The following MRPL1 variants were observed in gnomAD, a reference collection of about 807,000 sequenced individuals.
The protein encoded by MRPL1 is mitochondrial ribosomal protein L1.
A neutral mutation model predicts 38.0 loss-of-function variants in MRPL1; 28 were observed. The observed-to-expected ratio is 0.74, with a 90% CI of 0.55 to 1.01. The LOEUF is 1.01. MRPL1 is among the 50% of genes least tolerant of loss of function. MRPL1 has a pLI of 0.00. For missense variants in MRPL1, 358 were observed against 389.8 expected, an observed-to-expected ratio of 0.92 and a Z score of 0.69; for synonymous variants, 123 against 126.7, an observed-to-expected ratio of 0.97 and a Z score of 0.20.
chr4:77,882,290 ACT>A (rs1390761854), intron 2 of MRPL1, among the ~76,000 whole-genome samples: 4 of 152,096 alleles, frequency 2.6e-5, no homozygotes, highest in Non-Finnish European at 4.4e-5. Context: ...TACCTGGCTA[ACT>A]CTATTATTTT....
chr4:77,899,087 G>C (rs1735980500), intron 6 of MRPL1, among the ~76,000 whole-genome samples: 1 of 148,932 alleles, frequency 6.7e-6, no homozygotes, highest in Non-Finnish European at 1.5e-5. Context: ...TCTGCCTCCT[G>C]GGTTCAGGTG....
At chr4:77,926,078 G>T (rs879446694) in intron 7 of MRPL1, among the ~76,000 whole-genome samples, 1 of 152,184 alleles carries the variant, frequency 6.6e-6, no homozygotes, top group Non-Finnish European at 1.5e-5. Flanking sequence ...ATCTTTAAAA[G>T]ACTTAAAATG....
intron 6 of MRPL1, among the ~76,000 whole-genome samples, chr4:77,898,816 T>G (rs948902812): frequency 1.3e-5 from 2 of 150,610 alleles, no homozygotes; most frequent in East Asian, 2.0e-4. Context: ...AATTTATAGT[T>G]TTTTTTTTAT....
chr4:77,885,616 C>T (rs752959571), intron 4 of MRPL1, among the ~76,000 whole-genome samples: 12 of 152,260 alleles, frequency 7.9e-5, no homozygotes, highest in Admixed American at 6.5e-5. Flanking sequence ...CCGCCCGCCT[C>T]GGCCTCCCAA....
At chr4:77,887,358 T>C (rs1002790440) in intron 5 of MRPL1, 67 bp downstream of exon 5, 9 of 1,247,826 alleles carry the variant, frequency 7.2e-6, no homozygotes, top group African/African-American at 5.9e-5. Flanking sequence ...TTCATTGATC[T>C]GTTATATGTG....
chr4:77,920,570 C>T (rs963330221), intron 7 of MRPL1, among the ~76,000 whole-genome samples: 5 of 152,162 alleles, frequency 3.3e-5, no homozygotes, highest in Admixed American at 1.3e-4. Flanking sequence ...AGCAGAGAGA[C>T]TATAGGAACC....
At chr4:77,923,130 C>T (rs533784858) in intron 7 of MRPL1, among the ~76,000 whole-genome samples, 5 of 152,248 alleles carry the variant, frequency 3.3e-5, no homozygotes, top group Admixed American at 1.3e-4. Flanking sequence ...GAGTCTCGCT[C>T]TGTCTCCCAG....
At chr4:77,916,181 T>G (rs1019803874) in intron 7 of MRPL1, among the ~76,000 whole-genome samples, 1 of 152,198 alleles carries the variant, frequency 6.6e-6, no homozygotes, top group African/African-American at 2.4e-5. Flanking sequence ...AGATAGTAAT[T>G]AAATAATTTT....
chr4:77,907,143 A>C, intron 6 of MRPL1: 5 of 984,558 alleles, frequency 5.1e-6, no homozygotes, highest in Non-Finnish European at 6.0e-6. Context: ...TCAGTGGCAC[A>C]GTCTTCATTC....
At chr4:77,891,412 G>C (rs1331700022) in intron 5 of MRPL1, among the ~76,000 whole-genome samples, 1 of 150,418 alleles carries the variant, frequency 6.6e-6, no homozygotes, top group East Asian at 2.0e-4. Context: ...CTGGAGTGCA[G>C]TGACGTGATC....
intron 1 of MRPL1, 114 bp from the exon 2 acceptor site, chr4:77,871,630 A>T: frequency 1.8e-6 from 1 of 565,480 alleles, no homozygotes; most frequent in Non-Finnish European, 3.0e-6. Context: ...AAGAAGGATT[A>T]AAAATCACAA....
chr4:77,944,740 T>C (rs1303561794), intron 7 of MRPL1, among the ~76,000 whole-genome samples: 1 of 152,214 alleles, frequency 6.6e-6, no homozygotes, highest in African/African-American at 2.4e-5. Flanking sequence ...TAAATGTATA[T>C]TCTTTTAGTG....
chr4:77,943,402 G>A (rs905831358), intron 7 of MRPL1, among the ~76,000 whole-genome samples: 3 of 151,878 alleles, frequency 2.0e-5, no homozygotes, highest in African/African-American at 7.2e-5. Flanking sequence ...TCTTTGAGCT[G>A]CTATGTATTT....
chr4:77,884,539 C>T lies in MRPL1; in HGVS notation c.403-717C>T, dbSNP rs577978287. On this transcript the variant is annotated intron_variant, in intron 3 of 8. Transcript: ENST00000315567. The stretch of plus-strand genomic sequence containing the variant: ...CCTGTAAAATCTCCACCTGTATTAG[C>T]GTGCCTCAAATGCATGCCATTGTTT... Among the ~76,000 whole-genome samples, 23 of 152,286 alleles carry T rather than the reference C, an allele frequency of 1.5e-4. No homozygotes were observed. In the South Asian group the frequency reaches 1.9e-3, roughly 12 times the overall value.
chr4:77,867,274 C>T (rs1426095643), intron 1 of MRPL1, among the ~76,000 whole-genome samples: 2 of 152,162 alleles, frequency 1.3e-5, no homozygotes, highest in Admixed American at 6.5e-5. Context: ...GTTTCATTGG[C>T]GTATTTGTTG....
intron 1 of MRPL1, among the ~76,000 whole-genome samples, chr4:77,868,329 A>T (rs58358199): frequency 0.22 from 33,653 of 151,230 alleles, 4,648 homozygotes; most frequent in African/African-American, 0.39. Flanking sequence ...GCAACCTCTG[A>T]CTCTGGGGTT....
At chr4:77,925,884 G>A (rs1419160734) in intron 7 of MRPL1, among the ~76,000 whole-genome samples, 2 of 152,140 alleles carry the variant, frequency 1.3e-5, no homozygotes, top group South Asian at 4.2e-4. Flanking sequence ...TGCATCCTTT[G>A]TAGTTTCTAT....
At chr4:77,898,488 A>T (rs954596524) in intron 6 of MRPL1, among the ~76,000 whole-genome samples, 3 of 151,892 alleles carry the variant, frequency 2.0e-5, no homozygotes, top group Non-Finnish European at 4.4e-5. Flanking sequence ...TTAAAAATGG[A>T]GTATACAATT....
At chr4:77,943,102 T>G (rs1737173606) in intron 7 of MRPL1, among the ~76,000 whole-genome samples, 1 of 152,174 alleles carries the variant, frequency 6.6e-6, no homozygotes, top group Non-Finnish European at 1.5e-5. Flanking sequence ...AGCATTTGTT[T>G]GTCTGAAAAA....
Sources: gnomAD v4.1 joint callset for allele counts (sites outside exome capture counted in the v4.1 genomes callset) on GRCh38, gnomAD v4.1.1 for gene constraint, MANE v1.5 for transcripts, NCBI Gene and HGNC (gene_info 2026-07-23, HGNC 2026-07-21) for gene names.